ZFAND6: variants seen among roughly 807,000 people sequenced by gnomAD.
ZFAND6 encodes zinc finger AN1-type containing 6, also known as AN1-type zinc finger protein 6.
Under a neutral mutation model 24.5 loss-of-function variants are expected in ZFAND6, and 12 were observed. The observed-to-expected ratio is 0.49, with a 90% CI of 0.31 to 0.79. ZFAND6 has a LOEUF of 0.79. Among genes scored for constraint, ZFAND6 ranks in the 30% least tolerant of loss-of-function variants. ZFAND6 has a pLI of 0.04. For missense variants in ZFAND6, 207 were observed against 245.9 expected, an observed-to-expected ratio of 0.84 and a Z score of 1.06; for synonymous variants, 92 against 81.5, an observed-to-expected ratio of 1.13 and a Z score of -0.69.
At chr15:80,116,021 T>C (rs2039859280) in intron 2 of ZFAND6, among the ~76,000 whole-genome samples, 1 of 152,094 alleles carries the variant, frequency 6.6e-6, no homozygotes, top group African/African-American at 2.4e-5. Flanking sequence ...CAGTATAGCA[T>C]AGTTGGTGGT....
At chr15:80,124,011 G>A (rs1323379053) in intron 5 of ZFAND6, among the ~76,000 whole-genome samples, 4 of 152,020 alleles carry the variant, frequency 2.6e-5, no homozygotes, top group Non-Finnish European at 4.4e-5. Flanking sequence ...TATTCTGTGT[G>A]GTCAACGTAA....
intron 2 of ZFAND6, among the ~76,000 whole-genome samples, chr15:80,105,302 C>A (rs2039262972): frequency 6.6e-6 from 1 of 152,076 alleles, no homozygotes; most frequent in Non-Finnish European, 1.5e-5. Context: ...AAAACGGTAT[C>A]ATCTCAGGTG....
chr15:80,104,475 C>G (rs2039208172), intron 2 of ZFAND6, among the ~76,000 whole-genome samples: 1 of 152,142 alleles, frequency 6.6e-6, no homozygotes, highest in African/African-American at 2.4e-5. Context: ...GCCGAGATCG[C>G]ACCACTGCAC....
intron 2 of ZFAND6, among the ~76,000 whole-genome samples, chr15:80,104,127 C>T (rs140735996): frequency 1.3e-3 from 191 of 152,264 alleles, no homozygotes; most frequent in African/African-American, 4.1e-3. Flanking sequence ...CACACGTGAG[C>T]CACCGCCCCT....
At chr15:80,133,901 C>T (rs1459240226) in intron 6 of ZFAND6, among the ~76,000 whole-genome samples, 1 of 152,086 alleles carries the variant, frequency 6.6e-6, no homozygotes, top group Admixed American at 6.5e-5. Flanking sequence ...CAATATGAAC[C>T]CTTTTTCGTG....
At chr15:80,081,022 A>G (rs2037634163) in intron 1 of ZFAND6, among the ~76,000 whole-genome samples, 1 of 152,224 alleles carries the variant, frequency 6.6e-6, no homozygotes, top group Non-Finnish European at 1.5e-5. Context: ...GTGGGGACAA[A>G]TACACAAACT....
At chr15:80,099,020 T>C (rs575723626) in intron 2 of ZFAND6, among the ~76,000 whole-genome samples, 17 of 152,136 alleles carry the variant, frequency 1.1e-4, no homozygotes, top group Middle Eastern at 6.8e-3. Flanking sequence ...ATTTAAATTA[T>C]AATAATTTTA....
intron 1 of ZFAND6, among the ~76,000 whole-genome samples, chr15:80,076,290 C>G (rs988392664): frequency 2.6e-5 from 4 of 152,110 alleles, no homozygotes; most frequent in Admixed American, 6.5e-5. Context: ...GCCACCCAAG[C>G]CAGAATCTGA....
At chr15:80,077,775 C>T (rs866477310) in intron 1 of ZFAND6, among the ~76,000 whole-genome samples, 1 of 144,830 alleles carries the variant, frequency 6.9e-6, no homozygotes, top group Non-Finnish European at 1.5e-5. Context: ...TCTCAGTTCA[C>T]TGCAACCTCC....
chr15:80,121,785 A>G lies in ZFAND6; in HGVS notation c.228A>G (p.Ser76=), dbSNP rs767556669. The change falls in exon 4 of 7, where the codon TCA becomes TCG. Residue 76 remains serine, a synonymous_variant. Coordinates refer to ENST00000261749, the MANE Select transcript of ZFAND6 (RefSeq NM_019006.4). The stretch of plus-strand genomic sequence containing the variant: ...ATGGCAGTGTGCCAGAAGCCCAGTC[A>G]GCATTAGACTCTACATCTTCATCTA... ...CTDGSVPEAQ[S]ALDSTSSSMQ... is the part of the protein sequence containing the mutation. The G allele has an allele frequency of 1.5e-5, 24 of 1,613,784 alleles. No individual in the cohort carries two copies. The highest frequency in any genetic ancestry group is 8.5e-7 in the Non-Finnish European group (1 of 1,179,836).
chr15:80,134,888 C>T (rs115913352), intron 6 of ZFAND6, among the ~76,000 whole-genome samples: 130 of 152,322 alleles, frequency 8.5e-4, no homozygotes, highest in African/African-American at 3.1e-3. Context: ...ACTTCGTTTG[C>T]AACGTGGACC....
intron 1 of ZFAND6, among the ~76,000 whole-genome samples, chr15:80,066,138 A>G (rs1212972145): frequency 1.3e-5 from 2 of 152,162 alleles, no homozygotes; most frequent in African/African-American, 2.4e-5. Context: ...GTCTGTCAAT[A>G]TAGACAAACC....
chr15:80,091,840 G>T (rs913013252), intron 1 of ZFAND6, among the ~76,000 whole-genome samples: 1 of 151,940 alleles, frequency 6.6e-6, no homozygotes, highest in Admixed American at 6.6e-5. Context: ...GAATCTTGCC[G>T]TATTGCCCAG....
At chr15:80,087,481 C>T (rs970902076) in intron 1 of ZFAND6, among the ~76,000 whole-genome samples, 2 of 152,208 alleles carry the variant, frequency 1.3e-5, no homozygotes, top group African/African-American at 4.8e-5. Flanking sequence ...AATGCTCATT[C>T]TCCTTTTCCC....
intron 6 of ZFAND6, chr15:80,131,530 A>C: frequency 2.3e-6 from 1 of 443,708 alleles, no homozygotes; most frequent in Non-Finnish European, 4.0e-6. Flanking sequence ...GTATTAGACA[A>C]ATAAGGTTAG....
At chr15:80,071,159 C>G (rs2141817963) in intron 1 of ZFAND6, among the ~76,000 whole-genome samples, 1 of 152,308 alleles carries the variant, frequency 6.6e-6, no homozygotes, top group South Asian at 2.1e-4. Flanking sequence ...CAGTTTGTTA[C>G]AAAGACTTCC....
chr15:80,131,009 A>G lies in ZFAND6; in HGVS notation c.365-171A>G, dbSNP rs2040576180. On this transcript the variant is annotated intron_variant, in intron 5 of 6. Transcript: ENST00000261749. ...ATTTTCTACATGCATATATACATAC[A>G]TTTAACAAAAAGGGGTCATATTTTT... is the stretch of plus-strand genomic sequence containing the variant. 2 of 484,244 alleles carry G rather than the reference A, an allele frequency of 4.1e-6. 1 individual carries two copies. 30.0% of individuals were successfully genotyped at this position (484,244 alleles called of 1,614,324 possible).
chr15:80,107,139 C>G (rs1277538321), intron 2 of ZFAND6, among the ~76,000 whole-genome samples: 1 of 152,082 alleles, frequency 6.6e-6, no homozygotes, highest in Non-Finnish European at 1.5e-5. Flanking sequence ...CACTTGAACC[C>G]AGGAGGCAAA....
rs1163459154 is a variant in ZFAND6 at position 80,138,165 on chromosome 15, A to G, written c.*537A>G. 2 of 152,764 alleles carry G rather than the reference A, an allele frequency of 1.3e-5. No individual in the cohort carries two copies. The highest frequency in any genetic ancestry group is 4.8e-5 in the African/African-American group (2 of 41,468). 9.5% of individuals were successfully genotyped at this position (152,764 alleles called of 1,614,324 possible). ...TATTTATGTCTGAATCATTTGTCAC[A>G]AGAGAGTGTGTGCTGATGAGATTGT... On this transcript the variant is annotated 3_prime_UTR_variant, in exon 7 of 7. Transcript: ENST00000261749.
Sources: allele counts gnomAD v4.1 joint callset (sites outside exome capture counted in the v4.1 genomes callset), GRCh38; gene constraint gnomAD v4.1.1; transcripts MANE v1.5; gene names NCBI Gene and HGNC (gene_info 2026-07-23, HGNC 2026-07-21).